The following PPAT variants were observed in gnomAD, a reference collection of about 807,000 sequenced individuals.
The protein encoded by PPAT is amidophosphoribosyltransferase.
PPAT carries 20 observed loss-of-function variants against 60.2 expected under a neutral mutation model. The ratio of observed to expected loss-of-function variants is 0.33; its 90% CI spans 0.23 to 0.48. PPAT has a LOEUF of 0.48. Among genes scored for constraint, PPAT ranks in the 20% least tolerant of loss-of-function variants. The pLI is 0.99. For missense variants in PPAT, 349 were observed against 629.6 expected, an observed-to-expected ratio of 0.55 and a Z score of 4.77; for synonymous variants, 194 against 215.1, an observed-to-expected ratio of 0.90 and a Z score of 0.86.
At position 56,394,699 on chromosome 4, in the gene PPAT, TAAC is replaced by T. The variant is rs1715918680; in HGVS notation, c.*650_*652del. The T allele has an allele frequency of 6.6e-6, 1 of 152,222 alleles. No homozygotes were observed. The highest frequency in any genetic ancestry group is 1.5e-5 in the Non-Finnish European group (1 of 68,042). The allele number at this position is 152,222 out of a possible 1,614,324, so 9.4% of individuals were successfully genotyped here. On this transcript the variant is annotated 3_prime_UTR_variant, in exon 11 of 11. Coordinates refer to ENST00000264220, the MANE Select transcript of PPAT (RefSeq NM_002703.5). ...TAATTGTAAACTAATTTCAAAAAGT[TAAC>T]AATCATTAGCTTTCTGAAAGCTAAC... is the stretch of plus-strand genomic sequence containing the variant.
chr4:56,400,652 TAAAC>T, intron 8 of PPAT, 128 bp downstream of exon 8: 1 of 1,036,328 alleles, frequency 9.6e-7, no homozygotes, highest in Non-Finnish European at 1.3e-6. Context: ...AAAACGCTTG[TAAAC>T]AAACCAACAT....
rs1578114663 is a variant in PPAT, at chr4:56,401,614, A to T, written c.735-133T>A. The T allele has an allele frequency of 7.2e-6, 6 of 838,450 alleles. No individual in the cohort carries two copies. The East Asian group carries it at 1.7e-4, about 23-fold the overall frequency. The allele number at this position is 838,450 out of a possible 1,614,324, so 51.9% of individuals were successfully genotyped here. Reference sequence around the variant, plus strand: ...TGATTCATTCAATATAAAATCTAGAAGTGACTTTTTAAAGTGGTATGTCTC... The same window carrying T: ...TGATTCATTCAATATAAAATCTAGATGTGACTTTTTAAAGTGGTATGTCTC... On this transcript the variant is annotated intron_variant, in intron 6 of 10. Coordinates refer to ENST00000264220, the MANE Select transcript of PPAT (RefSeq NM_002703.5).
chr4:56,410,951 T>C (rs1490621601), intron 1 of PPAT: 2 of 974,652 alleles, frequency 2.1e-6, no homozygotes, highest in Non-Finnish European at 2.4e-6. Flanking sequence ...TGTTTTTCTT[T>C]TGTTTTACAG....
At chr4:56,398,265 A>C (rs1404399553) in intron 9 of PPAT, among the ~76,000 whole-genome samples, 1 of 151,892 alleles carries the variant, frequency 6.6e-6, no homozygotes, top group African/African-American at 2.4e-5. Context: ...AGCTATTCAG[A>C]AGGCTGAGGT....
intron 1 of PPAT, among the ~76,000 whole-genome samples, chr4:56,426,168 C>G (rs1717275038): frequency 6.6e-6 from 1 of 152,100 alleles, no homozygotes; most frequent in African/African-American, 2.4e-5. Context: ...TGTGGGAGGC[C>G]AAGGCAGGCA....
chr4:56,407,746 A>C, intron 1 of PPAT, 30 bp from the exon 2 acceptor site: 2 of 1,512,020 alleles, frequency 1.3e-6, no homozygotes, highest in Non-Finnish European at 1.8e-6. Flanking sequence ...TTAGCTGTTA[A>C]ATCTGCCAAT....
chr4:56,418,290 T>C (rs1716873522), intron 1 of PPAT, among the ~76,000 whole-genome samples: 2 of 152,024 alleles, frequency 1.3e-5, no homozygotes. Flanking sequence ...TGAAAGAAAA[T>C]TACTTTCTTT....
intron 1 of PPAT, chr4:56,411,032 G>A: frequency 3.1e-6 from 2 of 652,360 alleles, no homozygotes; most frequent in Non-Finnish European, 3.8e-6. Flanking sequence ...TCAAGACTGT[G>A]GAAAAATAAC....
At chr4:56,428,383 G>A (rs1213348881) in intron 1 of PPAT, among the ~76,000 whole-genome samples, 1 of 152,066 alleles carries the variant, frequency 6.6e-6, no homozygotes, top group African/African-American at 2.4e-5. Flanking sequence ...GCTTGAAGGG[G>A]CCACAAGAAA....
In PPAT at chr4:56,402,156, T is replaced by A; in HGVS notation, c.687A>T (p.Gly229=). Residue 229 remains glycine (G), a synonymous_variant, in exon 6 of 11, where the codon GGA becomes GGT. Coordinates refer to ENST00000264220, the MANE Select transcript of PPAT (RefSeq NM_002703.5). ...DKEKKTSETE[G]WVVSSESCSF... is the part of the protein sequence containing the mutation. Reference sequence around the variant, plus strand: ...TACAAGATTCTGAAGACACCACCCATCCTTCTGTTTCTGATGTTTTTTTCT... The same window carrying A: ...TACAAGATTCTGAAGACACCACCCAACCTTCTGTTTCTGATGTTTTTTTCT... The A allele has an allele frequency of 6.2e-7, 1 of 1,607,052 alleles. No individual in the cohort carries two copies. Among genetic ancestry groups the A allele is most frequent in the Non-Finnish European group, 8.5e-7 (1 of 1,174,754 alleles).
chr4:56,415,929 G>C (rs1716706548), intron 1 of PPAT, among the ~76,000 whole-genome samples: 1 of 152,086 alleles, frequency 6.6e-6, no homozygotes, highest in Admixed American at 6.5e-5. Flanking sequence ...AATTAGCCGG[G>C]CGTGGTGGCA....
At chr4:56,417,383 T>C (rs941614604) in intron 1 of PPAT, among the ~76,000 whole-genome samples, 1 of 152,120 alleles carries the variant, frequency 6.6e-6, no homozygotes, top group African/African-American at 2.4e-5. Flanking sequence ...TTTTAATGAC[T>C]TAAAACTCAT....
intron 1 of PPAT, among the ~76,000 whole-genome samples, chr4:56,425,155 A>C (rs1717224414): frequency 6.6e-6 from 1 of 152,226 alleles, no homozygotes; most frequent in East Asian, 1.9e-4. Context: ...ACCATCTCAA[A>C]GGGTACGCTA....
At chr4:56,419,620 C>T in intron 1 of PPAT, 1 of 962,734 alleles carries the variant, frequency 1.0e-6, no homozygotes. Context: ...GCAGGTATCT[C>T]TACGTCAGTA....
At chr4:56,416,184 G>GA (rs1716734349) in intron 1 of PPAT, among the ~76,000 whole-genome samples, 1 of 152,034 alleles carries the variant, frequency 6.6e-6, no homozygotes, top group Non-Finnish European at 1.5e-5. Context: ...CAATGGGATG[G>GA]AAAAAATTAG....
chr4:56,431,320 T>TG lies in PPAT; in HGVS notation c.128+4029dup, dbSNP rs1164194851. 8.5e-6 allele frequency: 3 copies of TG among 354,234 alleles called. No homozygotes were observed. The East Asian group carries it at 5.0e-4, about 59-fold the overall frequency. 21.9% of individuals were successfully genotyped at this position (354,234 alleles called of 1,614,324 possible). The stretch of plus-strand genomic sequence containing the variant: ...ATCCTGTGTTCTCCACAAAACTAAA[T>TG]GAAGATTAACTGGGAACTAGATCCA... On this transcript the variant is annotated intron_variant, in intron 1 of 10. Coordinates refer to ENST00000264220, the MANE Select transcript of PPAT (RefSeq NM_002703.5).
At chr4:56,430,953 G>T (rs1324675899) in intron 1 of PPAT, among the ~76,000 whole-genome samples, 6 of 151,950 alleles carry the variant, frequency 3.9e-5, no homozygotes, top group Non-Finnish European at 8.8e-5. Context: ...ACTTTTGGGG[G>T]CAGGTAAATT....
chr4:56,408,753 CAAAAA>C (rs35367469), intron 1 of PPAT, among the ~76,000 whole-genome samples: 31,934 of 132,954 alleles, frequency 0.24, 3,927 homozygotes, highest in East Asian at 0.42. Flanking sequence ...GATTCCGTTT[CAAAAA>C]AAAAAAAAAA....
At chr4:56,422,923 C>T (rs1717116622) in intron 1 of PPAT, 1 of 151,142 alleles carries the variant, frequency 6.6e-6, no homozygotes, top group South Asian at 2.1e-4. Context: ...GAATCAGAAA[C>T]TCTGGTGTTG....
Sources: allele counts gnomAD v4.1 joint callset (sites outside exome capture counted in the v4.1 genomes callset), GRCh38; gene constraint gnomAD v4.1.1; transcripts MANE v1.5; gene names NCBI Gene and HGNC (gene_info 2026-07-23, HGNC 2026-07-21).